The following NDST4 variants were observed in gnomAD, a reference collection of about 807,000 sequenced individuals.
NDST4 encodes the protein N-heparan sulfate sulfotransferase 4.
Under a neutral mutation model 100.8 loss-of-function variants are expected in NDST4, and 63 were observed. The ratio of observed to expected loss-of-function variants is 0.62; its 90% CI spans 0.51 to 0.77. The LOEUF is 0.77. Ranked by LOEUF, NDST4 falls within the 30% of genes least tolerant of loss-of-function variation. NDST4 has a pLI of 0.00. For synonymous variants in NDST4, 377 were observed against 361.8 expected, an observed-to-expected ratio of 1.04 and a Z score of -0.48; for missense variants, 943 against 1,018.4, an observed-to-expected ratio of 0.93 and a Z score of 1.01.
intron 2 of NDST4, among the ~76,000 whole-genome samples, chr4:115,034,935 C>T (rs1296540207): frequency 6.6e-6 from 1 of 152,008 alleles, no homozygotes; most frequent in East Asian, 1.9e-4. Context: ...TTTCTTCTTC[C>T]TCTCTTTTAC....
At chr4:115,054,298 T>A (rs1728647701) in intron 2 of NDST4, among the ~76,000 whole-genome samples, 1 of 152,046 alleles carries the variant, frequency 6.6e-6, no homozygotes, top group African/African-American at 2.4e-5. Context: ...GCATATCAGT[T>A]TAACTAAATA....
At chr4:114,985,040 T>C (rs923493825) in intron 2 of NDST4, among the ~76,000 whole-genome samples, 2 of 152,216 alleles carry the variant, frequency 1.3e-5, no homozygotes, top group Non-Finnish European at 2.9e-5. Context: ...TCATGTTAAA[T>C]GGTTTAGCTC....
intron 2 of NDST4, among the ~76,000 whole-genome samples, chr4:115,075,591 C>T (rs979456655): frequency 6.6e-6 from 1 of 151,978 alleles, no homozygotes; most frequent in Non-Finnish European, 1.5e-5. Flanking sequence ...TTAAGACCAG[C>T]CTGGCCAAGA....
At chr4:114,899,895 G>A (rs1190231417) in intron 6 of NDST4, among the ~76,000 whole-genome samples, 1 of 152,122 alleles carries the variant, frequency 6.6e-6, no homozygotes, top group South Asian at 2.1e-4. Flanking sequence ...TTCTAAAAGG[G>A]ATTGTAGAGA....
intron 9 of NDST4, 40 bp from the exon 10 acceptor site, chr4:114,846,037 T>A (rs773576402): frequency 1.4e-6 from 2 of 1,461,402 alleles, no homozygotes; most frequent in Non-Finnish European, 1.9e-6. Context: ...CTGAAAATAA[T>A]TTTTCTTGCC....
intron 1 of NDST4, among the ~76,000 whole-genome samples, chr4:115,094,673 T>TA (rs1729585601): frequency 1.3e-5 from 2 of 152,148 alleles, no homozygotes; most frequent in Admixed American, 1.3e-4. Context: ...GTTGCAGGTG[T>TA]AATTAGTTAA....
chr4:115,052,969 A>G (rs1728617588), intron 2 of NDST4, among the ~76,000 whole-genome samples: 1 of 152,216 alleles, frequency 6.6e-6, no homozygotes, highest in African/African-American at 2.4e-5. Flanking sequence ...CGTTAAAGGG[A>G]AAATAACAAT....
At chr4:115,017,156 C>G (rs1727696553) in intron 2 of NDST4, among the ~76,000 whole-genome samples, 3 of 151,954 alleles carry the variant, frequency 2.0e-5, no homozygotes, top group Non-Finnish European at 4.4e-5. Flanking sequence ...GTCATTCAAA[C>G]AGAATGCACA....
intron 2 of NDST4, among the ~76,000 whole-genome samples, chr4:115,004,377 G>A (rs1258012879): frequency 6.6e-6 from 1 of 151,912 alleles, no homozygotes; most frequent in Non-Finnish European, 1.5e-5. Context: ...GTACAGGCTT[G>A]CAAACAACAT....
At chr4:115,069,319 C>T (rs1383924244) in intron 2 of NDST4, among the ~76,000 whole-genome samples, 2 of 152,028 alleles carry the variant, frequency 1.3e-5, no homozygotes, top group Non-Finnish European at 1.5e-5. Flanking sequence ...AGCTGGCTCA[C>T]AAAGAACATT....
At chr4:114,846,144 C>T in intron 9 of NDST4, 147 bp from the exon 10 acceptor site, 1 of 737,584 alleles carries the variant, frequency 1.4e-6, no homozygotes, top group Non-Finnish European at 2.1e-6. Flanking sequence ...ATATTCTATA[C>T]ACATTGAATG....
At position 114,833,616 on chromosome 4, in the gene NDST4, C is replaced by G; in HGVS notation, c.2386G>C (p.Glu796Gln). The change falls in exon 12 of 14, where the codon GAA becomes CAA. Residue 796 changes from glutamate (E) to glutamine (Q), a missense_variant. This residue lies in a region of NDST4 where 526 missense variants were observed against 634.1 expected (regional missense o/e 0.83). Coordinates refer to ENST00000264363, the MANE Select transcript of NDST4 (RefSeq NM_022569.3). ...LGVTPRYNYS[E>Q]ALTFDPQKGF... ...TGACAATAGACTCACGTTAGTGCTT[C>G]AGAGTAATTATAACGAGGTGTAACT... The G allele has an allele frequency of 6.2e-7, 1 of 1,605,492 alleles. No homozygotes were observed. The highest frequency in any genetic ancestry group is 8.5e-7 in the Non-Finnish European group (1 of 1,172,780).
chr4:114,863,346 T>C (rs1723957204), intron 7 of NDST4, among the ~76,000 whole-genome samples: 1 of 152,240 alleles, frequency 6.6e-6, no homozygotes, highest in Non-Finnish European at 1.5e-5. Context: ...GTTTCAGATT[T>C]AGAATCCAAA....
At chr4:114,916,693 T>C (rs929806424) in intron 6 of NDST4, among the ~76,000 whole-genome samples, 1 of 151,224 alleles carries the variant, frequency 6.6e-6, no homozygotes, top group African/African-American at 2.4e-5. Flanking sequence ...TTCTAAGTTA[T>C]ATTTTTTATT....
chr4:115,047,190 C>A (rs1290260519), intron 2 of NDST4, among the ~76,000 whole-genome samples: 1 of 151,896 alleles, frequency 6.6e-6, no homozygotes, highest in Non-Finnish European at 1.5e-5. Context: ...TCTGTTTTCA[C>A]CTTATAAAAT....
intron 2 of NDST4, among the ~76,000 whole-genome samples, chr4:115,028,112 C>T (rs1179949914): frequency 2.6e-5 from 4 of 151,710 alleles, no homozygotes; most frequent in Non-Finnish European, 1.5e-5. Context: ...TCAACGATTC[C>T]TATGAATGTA....
At chr4:115,078,733 C>G (rs1303733638) in intron 1 of NDST4, among the ~76,000 whole-genome samples, 1 of 151,928 alleles carries the variant, frequency 6.6e-6, no homozygotes, top group Non-Finnish European at 1.5e-5. Context: ...CCCAACTACT[C>G]AGGAGGCTGA....
rs1264253374 is a variant in NDST4 at position 114,848,271 on chromosome 4, C to T, written c.1884G>A (p.Lys628=). The change falls in exon 9 of 14, where the codon AAG becomes AAA. Residue 628 remains lysine, a synonymous_variant. Transcript: ENST00000264363. ...PSIISNLPSP[K]TFEEVQFFNG... ...TAAAGAACTGAACTTCCTCAAATGT[C>T]TTTGGACTAGGGAGATTGCTGATGA... The T allele has an allele frequency of 6.2e-7, 1 of 1,610,682 alleles. No homozygotes were observed. Among genetic ancestry groups the T allele is most frequent in the African/African-American group, 1.3e-5 (1 of 74,878 alleles).
At chr4:114,835,311 G>A (rs890350842) in intron 11 of NDST4, among the ~76,000 whole-genome samples, 5 of 152,090 alleles carry the variant, frequency 3.3e-5, no homozygotes, top group Non-Finnish European at 4.4e-5. Flanking sequence ...ATTCTGGTAT[G>A]TTGTCTCTTT....
Sources: allele counts gnomAD v4.1 joint callset (sites outside exome capture counted in the v4.1 genomes callset), GRCh38; gene constraint gnomAD v4.1.1; regional missense constraint gnomAD v4.1.1; transcripts MANE v1.5; gene names NCBI Gene and HGNC (gene_info 2026-07-23, HGNC 2026-07-21).